The following ZNF324B variants were observed in gnomAD, a reference collection of about 807,000 sequenced individuals.
The protein encoded by ZNF324B is zinc finger protein 324B.
A neutral mutation model predicts 10.6 loss-of-function variants in ZNF324B; 7 were observed. The ratio of observed to expected loss-of-function variants is 0.66; its 90% CI spans 0.38 to 1.24. ZNF324B has a LOEUF of 1.24. Ranked by LOEUF, ZNF324B falls within the 50% of genes most tolerant of loss-of-function variation. The probability of loss-of-function intolerance (pLI) is 0.02; values close to 1 mark genes in which losing one functional copy is unlikely to be tolerated. For synonymous variants in ZNF324B, 316 were observed against 321.0 expected (o/e 0.98, Z 0.17); for missense variants, 640 against 764.7 (o/e 0.84, Z 1.92).
chr19:58,422,978 T>C, the ZNF324B span, among the ~76,000 whole-genome samples: 1 of 149,348 alleles, frequency 6.7e-6, no homozygotes, highest in African/African-American at 2.5e-5. Context: ...CACACCATTC[T>C]TCTGCCTCGG....
chr19:58,431,045 G>A, the ZNF324B span: 1 of 152,210 alleles, frequency 6.6e-6, no homozygotes, highest in Non-Finnish European at 1.5e-5. Context: ...CTTCACAAAT[G>A]CCTGGCCCTT....
At chr19:58,434,278 T>C in the ZNF324B span, 15 of 1,613,856 alleles carry the variant, frequency 9.3e-6, no homozygotes, top group South Asian at 8.8e-5. Flanking sequence ...CCGAAGGAAA[T>C]TGGAGCTTTG....
At chr19:58,429,769 C>G in the ZNF324B span, 1 of 152,264 alleles carries the variant, frequency 6.6e-6, no homozygotes, top group Non-Finnish European at 1.5e-5. Flanking sequence ...TGAAGGTACT[C>G]AAAGCCTATG....
chr19:58,446,662 C>T (rs528099471), upstream of ZNF324B, among the ~76,000 whole-genome samples: 7 of 146,778 alleles, frequency 4.8e-5, no homozygotes, highest in Admixed American at 6.8e-5. Context: ...CTGCAACCTC[C>T]GCCTCCCGGG....
chr19:58,426,173 G>A, the ZNF324B span, among the ~76,000 whole-genome samples: 1 of 152,200 alleles, frequency 6.6e-6, no homozygotes. Flanking sequence ...ACTTCTCTGA[G>A]TGCCAGAAGA....
At chr19:58,434,558 A>ACGT in the ZNF324B span, 1 of 1,613,968 alleles carries the variant, frequency 6.2e-7, no homozygotes, top group Non-Finnish European at 8.5e-7. Flanking sequence ...GCCTTCCCAC[A>ACGT]CTCCTTACAC....
At chr19:58,426,347 A>T in the ZNF324B span, among the ~76,000 whole-genome samples, 2 of 152,200 alleles carry the variant, frequency 1.3e-5, no homozygotes, top group Admixed American at 6.5e-5. Flanking sequence ...AGGAGAATGT[A>T]GTGATTCCCA....
chr19:58,437,340 C>A, the ZNF324B span: 54 of 1,098,228 alleles, frequency 4.9e-5, no homozygotes, highest in Non-Finnish European at 6.6e-5. Flanking sequence ...ACCCACTACT[C>A]ACCCATCCAC....
At chr19:58,420,191 G>T in the ZNF324B span, among the ~76,000 whole-genome samples, 1 of 152,072 alleles carries the variant, frequency 6.6e-6, no homozygotes, top group Non-Finnish European at 1.5e-5. Flanking sequence ...GGCCGAGGCA[G>T]GTGGATCATG....
the ZNF324B span, chr19:58,433,421 T>G: frequency 3.1e-6 from 5 of 1,614,186 alleles, no homozygotes; most frequent in Middle Eastern, 1.6e-4. Context: ...GTGTGAACTT[T>G]CTGGTGCCGA....
the ZNF324B span, chr19:58,444,710 G>A: frequency 2.0e-5 from 3 of 152,186 alleles, no homozygotes; most frequent in Non-Finnish European, 4.4e-5. Context: ...CATATGGAAA[G>A]GTGTTTGAGG....
intron 1 of ZNF324B, 148 bp downstream of exon 1, chr19:58,451,852 G>A (rs942082283): frequency 7.6e-5 from 20 of 263,460 alleles, no homozygotes; most frequent in African/African-American, 3.6e-4. Flanking sequence ...GGCATTCTGC[G>A]CCCATGACTG....
upstream of ZNF324B, among the ~76,000 whole-genome samples, chr19:58,448,533 G>C (rs532676368): frequency 1.3e-5 from 2 of 152,206 alleles, no homozygotes; most frequent in South Asian, 4.2e-4. Context: ...GACCATCCTG[G>C]CTAACATGGT....
intron 1 of ZNF324B, 97 bp downstream of exon 1, chr19:58,451,801 G>A (rs566057959): frequency 9.9e-6 from 3 of 303,518 alleles, no homozygotes; most frequent in South Asian, 7.0e-5. Flanking sequence ...CGGGAACCAC[G>A]CGTTCTCCCG....
At chr19:58,451,849 T>C in intron 1 of ZNF324B, 145 bp downstream of exon 1, 1 of 269,500 alleles carries the variant, frequency 3.7e-6, no homozygotes, top group Non-Finnish European at 7.4e-6. Flanking sequence ...TTGGGCATTC[T>C]GCGCCCATGA....
At chr19:58,438,422 CT>C in the ZNF324B span, among the ~76,000 whole-genome samples, 2 of 151,940 alleles carry the variant, frequency 1.3e-5, no homozygotes, top group African/African-American at 2.4e-5. Context: ...TATCTTCCCC[CT>C]GAAATCTACT....
chr19:58,427,504 T>TCCTTCCTTCC, the ZNF324B span, among the ~76,000 whole-genome samples: 5 of 104,544 alleles, frequency 4.8e-5, 1 homozygote, highest in African/African-American at 2.0e-4. Context: ...CTTTCTTTCT[T>TCCTTCCTTCC]TTTCTTTCTT....
the ZNF324B span, chr19:58,433,035 A>G: frequency 0.5 from 219,374 of 441,290 alleles, 57,915 homozygotes; most frequent in African/African-American, 0.77. Context: ...ATCCCTAGAG[A>G]ACACAGGAAG....
chr19:58,454,648 A>G, intron 3 of ZNF324B: 1 of 561,416 alleles, frequency 1.8e-6, no homozygotes, highest in Non-Finnish European at 3.2e-6. Flanking sequence ...TTATCTTTGT[A>G]TTCATCAAAT....
Sources: gnomAD v4.1 joint callset for allele counts (sites outside exome capture counted in the v4.1 genomes callset) on GRCh38, gnomAD v4.1.1 for gene constraint, MANE v1.5 for transcripts, NCBI Gene and HGNC (gene_info 2026-07-23, HGNC 2026-07-21) for gene names.